Variants in SLAMF1 observed in about 807,000 individuals in gnomAD.
SLAMF1 encodes signaling lymphocytic activation molecule.
SLAMF1 carries 18 observed loss-of-function variants against 35.1 expected under a neutral mutation model. The ratio of observed to expected loss-of-function variants is 0.51; its 90% confidence interval spans 0.35 to 0.76. The LOEUF is 0.76. Ranked by LOEUF, SLAMF1 falls within the 30% of genes least tolerant of loss-of-function variation. The probability of loss-of-function intolerance (pLI) is 0.01; values close to 1 mark genes in which losing one functional copy is unlikely to be tolerated. For synonymous variants in SLAMF1, 168 were observed against 157.2 expected (o/e 1.07, Z -0.51); for missense variants, 392 against 413.0 (o/e 0.95, Z 0.44).
chr1:160,644,267 C>T (rs1660913103), intron 1 of SLAMF1, among the ~76,000 whole-genome samples: 1 of 152,182 alleles, frequency 6.6e-6, no homozygotes, highest in African/African-American at 2.4e-5. Context: ...CCCTGCTTCC[C>T]AAACATAGGC....
intron 4 of SLAMF1, among the ~76,000 whole-genome samples, chr1:160,623,345 G>A (rs895220168): frequency 2.0e-5 from 3 of 152,144 alleles, no homozygotes; most frequent in Non-Finnish European, 2.9e-5. Context: ...CAAGTAGGTC[G>A]CTGTGCTATG....
At chr1:160,623,623 G>C (rs1659730365) in intron 4 of SLAMF1, 1 of 398,954 alleles carries the variant, frequency 2.5e-6, no homozygotes, top group Admixed American at 4.4e-5. Flanking sequence ...TTGTATCATA[G>C]GGAAATTTGG....
chr1:160,610,548 C>T lies in SLAMF1; in HGVS notation c.*200G>A, dbSNP rs1658924719. The T allele has an allele frequency of 1.7e-6, 1 of 596,802 alleles. No individual in the cohort carries two copies. The highest frequency in any genetic ancestry group is 3.0e-6 in the Non-Finnish European group (1 of 329,176). 37.0% of individuals were successfully genotyped at this position (596,802 alleles called of 1,614,324 possible). A position where few individuals can be genotyped will look rare whatever the true frequency, so the allele number is the denominator to read the frequency against. On this transcript the variant is annotated 3_prime_UTR_variant, in exon 7 of 7. Coordinates refer to ENST00000302035, the MANE Select transcript of SLAMF1 (RefSeq NM_003037.5). ...TTCTGCGCCTGCAGCCACTGCACAG[C>T]AAGCTAAATTCTTGGGAAGCCTCAC...
In SLAMF1 at chr1:160,646,886, C is replaced by T. The variant is rs554914452; in HGVS notation, c.60G>A (p.Gly20=). ...AACACTCACCTGTTCCGTAGCTTGC[C>T]CCAAAAGCCAGGGAGAGAAACAGCA... The part of the protein sequence containing the change: ...TFVLFLSLAF[G]ASYGTGGRMM... The change falls in exon 1 of 7, where the codon GGG becomes GGA. Residue 20 remains glycine, a synonymous_variant. Transcript: ENST00000302035. 1.9e-6 allele frequency: 3 copies of T among 1,603,602 alleles called. No homozygotes were observed. Among genetic ancestry groups the T allele is most frequent in the African/African-American group, 2.7e-5 (2 of 74,834 alleles).
At position 160,608,668 on chromosome 1, in the gene SLAMF1, C is replaced by T. The variant is rs1658823229; in HGVS notation, c.*2080G>A. ...TTCTGCCCTTCCTTCAGGTAGAATT[C>T]AGCTACTGGAAAAATCCAAGTGCTG... is the stretch of plus-strand genomic sequence containing the variant. On this transcript the variant is annotated 3_prime_UTR_variant, in exon 7 of 7. Coordinates refer to ENST00000302035, the MANE Select transcript of SLAMF1 (RefSeq NM_003037.5). 1 of 152,208 alleles carries T rather than the reference C, an allele frequency of 6.6e-6. No homozygotes were observed. The highest frequency in any genetic ancestry group is 1.5e-5 in the Non-Finnish European group (1 of 68,060). 9.4% of individuals were successfully genotyped at this position (152,208 alleles called of 1,614,324 possible). A position where few individuals can be genotyped will look rare whatever the true frequency, so the allele number is the denominator to read the frequency against.
chr1:160,637,001 T>A (rs1444297248), intron 2 of SLAMF1, 190 bp downstream of exon 2: 1 of 590,996 alleles, frequency 1.7e-6, no homozygotes, highest in Admixed American at 3.0e-5. Context: ...ACCATCAATA[T>A]GCAATTTGGA....
intron 4 of SLAMF1, among the ~76,000 whole-genome samples, chr1:160,622,920 A>G (rs1381321893): frequency 6.6e-6 from 1 of 152,248 alleles, no homozygotes; most frequent in Non-Finnish European, 1.5e-5. Context: ...GCAAGGTTTT[A>G]TGAAAGGTGC....
rs925486197 is a variant in SLAMF1, at chr1:160,610,124, T to A, written c.*624A>T. ...TCTCAAAATCATTCTTTCTGTTTAT[T>A]GACTTTTTAGCTTCTGGGTTTTGCA... On this transcript the variant is annotated 3_prime_UTR_variant, in exon 7 of 7. Transcript: ENST00000302035. The A allele has an allele frequency of 1.3e-4, 46 of 340,840 alleles. No homozygotes were observed. The highest frequency in any genetic ancestry group is 2.5e-4 in the Non-Finnish European group (44 of 174,052). 21.1% of individuals were successfully genotyped at this position (340,840 alleles called of 1,614,324 possible). A position where few individuals can be genotyped will look rare whatever the true frequency, so the allele number is the denominator to read the frequency against.
intron 5 of SLAMF1, among the ~76,000 whole-genome samples, chr1:160,616,689 T>C (rs1659317368): frequency 6.6e-6 from 1 of 152,138 alleles, no homozygotes; most frequent in South Asian, 2.1e-4. Context: ...CAAAGGGAAA[T>C]GGGCAAGAGA....
rs1256524520 is a variant in SLAMF1 at position 160,608,110 on chromosome 1, CT to C, written c.*2637del. On this transcript the variant is annotated 3_prime_UTR_variant, in exon 7 of 7. Coordinates refer to ENST00000302035, the MANE Select transcript of SLAMF1 (RefSeq NM_003037.5). Reference sequence around the variant, plus strand: ...AAACACAAGACAAAATTGCAATTTCCTTGATGGACTGGCTGTAATTTATTCA... The same window carrying C: ...AAACACAAGACAAAATTGCAATTTCCTGATGGACTGGCTGTAATTTATTCA... 2.0e-5 allele frequency: 3 copies of C among 152,174 alleles called. No homozygotes were observed. The highest frequency in any genetic ancestry group is 7.2e-5 in the African/African-American group (3 of 41,448). 9.4% of individuals were successfully genotyped at this position (152,174 alleles called of 1,614,324 possible).
At chr1:160,633,485 C>G (rs1660267939) in intron 3 of SLAMF1, among the ~76,000 whole-genome samples, 1 of 152,136 alleles carries the variant, frequency 6.6e-6, no homozygotes, top group Non-Finnish European at 1.5e-5. Context: ...GTTCCCCTGT[C>G]CCTCAACCAT....
intron 5 of SLAMF1, among the ~76,000 whole-genome samples, chr1:160,615,253 T>A (rs192338587): frequency 6.6e-6 from 1 of 152,180 alleles, no homozygotes; most frequent in East Asian, 1.9e-4. Context: ...AATAATTATG[T>A]CTTGTGTGTT....
chr1:160,619,748 T>C (rs1659504941), intron 5 of SLAMF1, 28 bp downstream of exon 5: 3 of 1,424,078 alleles, frequency 2.1e-6, no homozygotes, highest in South Asian at 1.1e-5. Context: ...ACATGACAGG[T>C]TCATCTCAAA....
chr1:160,631,566 T>G (rs1035157005), intron 3 of SLAMF1, among the ~76,000 whole-genome samples: 4 of 152,134 alleles, frequency 2.6e-5, no homozygotes, highest in Non-Finnish European at 5.9e-5. Context: ...TTAAAGGTTA[T>G]TAAGTTAAAA....
rs935099057 is a variant in SLAMF1, at chr1:160,642,287, T to C, written c.76+4583A>G. 5.3e-5 allele frequency among the ~76,000 whole-genome samples: 8 copies of C among 152,224 alleles called. No homozygotes were observed. Among genetic ancestry groups the C allele is most frequent in the African/African-American group, 1.9e-4 (8 of 41,450 alleles). On this transcript the variant is annotated intron_variant, in intron 1 of 6. Transcript: ENST00000302035. The surrounding 1 kb of genome is among the most constrained non-coding windows in gnomAD (Gnocchi z 4.2). ...TATTAGTATGTACGTTCCCTAGCCTTAGAGGCTATAACCACTCTTTATTTG... is the reference window on the plus strand; with the variant it reads ...TATTAGTATGTACGTTCCCTAGCCTCAGAGGCTATAACCACTCTTTATTTG...
Position 160,642,385 on chromosome 1 carries a change from T to G in SLAMF1, c.76+4485A>C, listed in dbSNP as rs868690700. On this transcript the variant is annotated intron_variant, in intron 1 of 6. Coordinates refer to ENST00000302035, the MANE Select transcript of SLAMF1 (RefSeq NM_003037.5). The surrounding 1 kb of genome is among the most constrained non-coding windows in gnomAD (Gnocchi z 4.2). ...TCATAGGGAAGACTTTCCTGACTCC[T>G]GACTTAGGTTGGGTTTTCCTGTCAC... 6.6e-6 allele frequency among the ~76,000 whole-genome samples: 1 copy of G among 152,218 alleles called. No homozygotes were observed. The highest frequency in any genetic ancestry group is 1.5e-5 in the Non-Finnish European group (1 of 68,048).
Position 160,610,341 on chromosome 1 carries a change from T to C in SLAMF1, c.*407A>G, listed in dbSNP as rs1462327148. On this transcript the variant is annotated 3_prime_UTR_variant, in exon 7 of 7. Coordinates refer to ENST00000302035, the MANE Select transcript of SLAMF1 (RefSeq NM_003037.5). ...GTAAAGATAGCCAAAATGTAAACTTTTCCAGACTTTGTGACTGGTGGTCCA... is the reference window on the plus strand; with the variant it reads ...GTAAAGATAGCCAAAATGTAAACTTCTCCAGACTTTGTGACTGGTGGTCCA... 1 of 458,428 alleles carries C rather than the reference T, an allele frequency of 2.2e-6. No homozygotes were observed. Among genetic ancestry groups the C allele is most frequent in the African/African-American group, 2.0e-5 (1 of 50,180 alleles). 28.4% of individuals were successfully genotyped at this position (458,428 alleles called of 1,614,324 possible). A position where few individuals can be genotyped will look rare whatever the true frequency, so the allele number is the denominator to read the frequency against.
At chr1:160,639,289 G>A (rs552848283) in intron 1 of SLAMF1, among the ~76,000 whole-genome samples, 330 of 151,948 alleles carry the variant, frequency 2.2e-3, no homozygotes, top group African/African-American at 7.5e-3. Flanking sequence ...GCAATGTTGC[G>A]ATCTCGGCTC....
chr1:160,621,646 A>G (rs941421080), intron 4 of SLAMF1, among the ~76,000 whole-genome samples: 4 of 150,612 alleles, frequency 2.7e-5, no homozygotes, highest in African/African-American at 9.7e-5. Flanking sequence ...GGAAAGGCCC[A>G]GTGTGTATGT....
Sources: allele counts gnomAD v4.1 joint callset (sites outside exome capture counted in the v4.1 genomes callset), GRCh38; gene constraint gnomAD v4.1.1; non-coding constraint Gnocchi (gnomAD v3.1); transcripts MANE v1.5; gene names NCBI Gene and HGNC (gene_info 2026-07-23, HGNC 2026-07-21).